DCAF8L2: variants seen among roughly 807,000 people sequenced by gnomAD.
The protein encoded by DCAF8L2 is DDB1 and CUL4 associated factor 8 like 2, also known as DDB1- and CUL4-associated factor 8-like protein 2.
For synonymous variants in DCAF8L2, 200 were observed against 190.9 expected (o/e 1.05, Z -0.39); for missense variants, 430 against 490.7 (o/e 0.88, Z 1.17).
intron 4 of DCAF8L2, among the ~76,000 whole-genome samples, chrX:27,733,134 G>A (rs1921317233): frequency 9.0e-6 from 1 of 111,138 alleles, no homozygotes; most frequent in Admixed American, 9.6e-5. Context: ...TGGGATTACA[G>A]GTATGAGCCA....
chrX:27,670,559 T>A (rs1008063427), intron 2 of DCAF8L2, among the ~76,000 whole-genome samples: 13 of 111,554 alleles, frequency 1.2e-4, no homozygotes, highest in African/African-American at 3.9e-4. Context: ...TTCATCACCG[T>A]TTAAAGAATA....
intron 2 of DCAF8L2, among the ~76,000 whole-genome samples, chrX:27,645,331 C>A (rs1405702011): frequency 1.8e-5 from 2 of 111,728 alleles, no homozygotes; most frequent in African/African-American, 6.5e-5. Flanking sequence ...ACATGATTAT[C>A]TCAATAGACG....
At chrX:27,682,507 A>T (rs1177818358) in intron 3 of DCAF8L2, among the ~76,000 whole-genome samples, 3 of 111,643 alleles carry the variant, frequency 2.7e-5, no homozygotes, top group Non-Finnish European at 5.6e-5. Flanking sequence ...AATTTATTTT[A>T]TCTGGTTTAG....
At chrX:27,496,332 C>T in the DCAF8L2 span, among the ~76,000 whole-genome samples, 6 of 111,684 alleles carry the variant, frequency 5.4e-5, no homozygotes, top group African/African-American at 9.8e-5. Flanking sequence ...AGCTGTGAAA[C>T]GCTCAGCAGA....
At chrX:27,733,187 A>G (rs1218876336) in intron 4 of DCAF8L2, among the ~76,000 whole-genome samples, 8 of 111,216 alleles carry the variant, frequency 7.2e-5, no homozygotes, top group African/African-American at 2.6e-4. Flanking sequence ...ACCCTCAACA[A>G]CACTTGTTAT....
At chrX:27,578,791 C>T in the DCAF8L2 span, among the ~76,000 whole-genome samples, 1 of 109,929 alleles carries the variant, frequency 9.1e-6, no homozygotes, top group Admixed American at 9.7e-5. Flanking sequence ...GACCAACAAA[C>T]GTATGAAAAA....
chrX:27,719,782 C>G (rs1931829129), intron 4 of DCAF8L2, among the ~76,000 whole-genome samples: 1 of 111,478 alleles, frequency 9.0e-6, no homozygotes, highest in Admixed American at 9.5e-5. Flanking sequence ...TAAATTTGTT[C>G]TTTATATTTT....
At chrX:27,507,304 C>T in the DCAF8L2 span, among the ~76,000 whole-genome samples, 1 of 111,463 alleles carries the variant, frequency 9.0e-6, no homozygotes, top group South Asian at 3.7e-4. Context: ...AAACACAGGA[C>T]ATTCTGAATT....
intron 3 of DCAF8L2, among the ~76,000 whole-genome samples, chrX:27,687,491 A>G (rs944841798): frequency 1.8e-5 from 2 of 111,859 alleles, no homozygotes; most frequent in African/African-American, 3.3e-5. Flanking sequence ...TCCTTAAACT[A>G]TATCAGCACT....
intron 2 of DCAF8L2, among the ~76,000 whole-genome samples, chrX:27,635,708 C>T (rs1450358876): frequency 1.8e-5 from 2 of 111,142 alleles, no homozygotes; most frequent in African/African-American, 6.5e-5. Context: ...TTGAAAGTGA[C>T]ACTTTTTTTG....
intron 2 of DCAF8L2, among the ~76,000 whole-genome samples, chrX:27,646,245 C>A (rs772117773): frequency 9.0e-6 from 1 of 111,007 alleles, no homozygotes; most frequent in Non-Finnish European, 1.9e-5. Flanking sequence ...AATAGAGAAT[C>A]CAGAAATAAG....
chrX:27,688,245 T>C (rs745620825), intron 3 of DCAF8L2, among the ~76,000 whole-genome samples: 1 of 111,877 alleles, frequency 8.9e-6, no homozygotes, highest in African/African-American at 3.2e-5. Flanking sequence ...ATCACATTTA[T>C]AAATATTAGA....
At chrX:27,587,699 T>A (rs1925929610), upstream of DCAF8L2, among the ~76,000 whole-genome samples, 1 of 111,182 alleles carries the variant, frequency 9.0e-6, no homozygotes, top group South Asian at 3.7e-4. Flanking sequence ...GTTGACAAAC[T>A]GACTTCCCCA....
the DCAF8L2 span, among the ~76,000 whole-genome samples, chrX:27,504,821 G>T: frequency 4.5e-5 from 5 of 111,218 alleles, no homozygotes; most frequent in African/African-American, 1.6e-4. Flanking sequence ...ATCATTGTCA[G>T]GATCACTACA....
At chrX:27,479,163 A>G in the DCAF8L2 span, among the ~76,000 whole-genome samples, 23 of 110,768 alleles carry the variant, frequency 2.1e-4, no homozygotes, top group South Asian at 1.5e-3. Context: ...GTAGAGGACT[A>G]TGTAGCCAGA....
At chrX:27,627,478 C>A (rs1171463708) in intron 1 of DCAF8L2, 3 of 110,022 alleles carry the variant, frequency 2.7e-5, no homozygotes, top group South Asian at 7.9e-4. Context: ...ATATTCAACA[C>A]CTCCCAAAGT....
the DCAF8L2 span, among the ~76,000 whole-genome samples, chrX:27,504,331 C>G: frequency 8.2e-4 from 92 of 111,627 alleles, 3 homozygotes; most frequent in African/African-American, 2.9e-3. Flanking sequence ...AGGCATATCT[C>G]CTAACTCCTC....
intron 3 of DCAF8L2, among the ~76,000 whole-genome samples, chrX:27,702,282 A>G (rs2097316950): frequency 9.7e-6 from 1 of 103,384 alleles, no homozygotes. Flanking sequence ...ACAATGAAAG[A>G]AGATTAATAC....
chrX:27,643,857 C>T (rs1928837216), intron 2 of DCAF8L2, among the ~76,000 whole-genome samples: 2 of 111,535 alleles, frequency 1.8e-5, no homozygotes, highest in Admixed American at 1.9e-4. Flanking sequence ...ATAACCAGGA[C>T]ATCTCTACCT....
Sources: allele counts gnomAD v4.1 joint callset (sites outside exome capture counted in the v4.1 genomes callset), GRCh38; gene constraint gnomAD v4.1.1; transcripts MANE v1.5; gene names NCBI Gene and HGNC (gene_info 2026-07-23, HGNC 2026-07-21).